The following NEBL variants were observed in gnomAD, a reference collection of about 807,000 sequenced individuals.
NEBL encodes the protein nebulette, also known as LIM and SH3 protein 2.
NEBL carries 122 observed loss-of-function variants against 140.2 expected under a neutral mutation model. That is an observed-to-expected ratio of 0.87 (90% CI 0.75 to 1.01). The LOEUF (loss-of-function observed/expected upper bound fraction) is 1.01, where lower values mean the gene tolerates loss of function less well. Among genes scored for constraint, NEBL ranks in the 50% least tolerant of loss-of-function variants. NEBL has a pLI of 0.00. For synonymous variants in NEBL, 436 were observed against 398.9 expected (o/e 1.09, Z -1.11); for missense variants, 1,365 against 1,231.3 (o/e 1.11, Z -1.62).
intron 18 of NEBL, among the ~76,000 whole-genome samples, chr10:20,825,969 TA>T (rs1839810886): frequency 6.6e-6 from 1 of 152,186 alleles, no homozygotes; most frequent in Admixed American, 6.5e-5. Flanking sequence ...GCGTGTCTGA[TA>T]AAAAGCTTAG....
chr10:21,259,112 G>A (rs1003738037), intron 1 of NEBL, among the ~76,000 whole-genome samples: 1 of 150,630 alleles, frequency 6.6e-6, no homozygotes, highest in African/African-American at 2.4e-5. Context: ...TTTTGAGACA[G>A]AGTCTCTCTC....
intron 9 of NEBL, among the ~76,000 whole-genome samples, chr10:20,854,227 AAT>A (rs1448640462): frequency 6.6e-6 from 1 of 152,172 alleles, no homozygotes; most frequent in East Asian, 1.9e-4. Context: ...TAAAAATGGC[AAT>A]AGAGTGGAGG....
At position 20,835,499 on chromosome 10, in the gene NEBL, C is replaced by G. The variant is rs373699154; in HGVS notation, c.1449+14G>C. ...AATATGAGTCTTAAGGCCTGCATCA[C>G]GCACCCTACTAACCTCACTCGCTAT... On this transcript the variant is annotated intron_variant, in intron 14 of 27. Transcript: ENST00000377122. The G allele has an allele frequency of 1.9e-6, 3 of 1,578,316 alleles. No individual in the cohort carries two copies. Among genetic ancestry groups the G allele is most frequent in the South Asian group, 2.2e-5 (2 of 90,450 alleles).
intron 2 of NEBL, among the ~76,000 whole-genome samples, chr10:21,160,403 A>G (rs2132151717): frequency 6.6e-6 from 1 of 152,304 alleles, no homozygotes; most frequent in African/African-American, 2.4e-5. Flanking sequence ...CTGTTTTAAA[A>G]AAAGACCACA....
intron 14 of NEBL, among the ~76,000 whole-genome samples, chr10:20,835,130 G>T (rs530230393): frequency 2.0e-5 from 3 of 152,152 alleles, no homozygotes; most frequent in Non-Finnish European, 4.4e-5. Context: ...CATATATGAA[G>T]TTCTGCTCAG....
chr10:21,252,981 G>A (rs902450107), intron 1 of NEBL, among the ~76,000 whole-genome samples: 4 of 152,088 alleles, frequency 2.6e-5, no homozygotes, highest in African/African-American at 9.7e-5. Context: ...TAAGGCAGAG[G>A]CCAGGCATGG....
chr10:21,113,640 C>T (rs536828139), intron 2 of NEBL, among the ~76,000 whole-genome samples: 49 of 152,144 alleles, frequency 3.2e-4, no homozygotes, highest in African/African-American at 1.1e-3. Flanking sequence ...GGTCCCATTG[C>T]CCAGAATGTG....
At position 21,183,708 on chromosome 10, in the gene NEBL, C is replaced by T. The variant is rs552814979; in HGVS notation, n.349-11231G>A. On this transcript the variant is annotated intron_variant and non_coding_transcript_variant, in intron 3 of 8. Transcript: ENST00000675702. ...TTAAGCTCCTGGGAATGAGGCCCCA[C>T]TTGCAGGCCGGACATAAGGAGGACA... is the stretch of plus-strand genomic sequence containing the variant. 1.1e-4 allele frequency among the ~76,000 whole-genome samples: 17 copies of T among 152,314 alleles called. No homozygotes were observed. The South Asian group carries it at 2.5e-3, about 22-fold the overall frequency.
chr10:21,152,072 T>C (rs1840162275), intron 2 of NEBL, among the ~76,000 whole-genome samples: 1 of 152,154 alleles, frequency 6.6e-6, no homozygotes, highest in Non-Finnish European at 1.5e-5. Flanking sequence ...CCATCATTAC[T>C]GAATAATAAA....
intron 2 of NEBL, among the ~76,000 whole-genome samples, chr10:21,072,529 T>C (rs1011272307): frequency 6.6e-6 from 1 of 152,170 alleles, no homozygotes; most frequent in Non-Finnish European, 1.5e-5. Context: ...AGGCATAGTG[T>C]ATAGAGGTCA....
rs71578938 is a variant in NEBL, at chr10:20,845,374, A to C, written c.1117-6T>G. 1.3e-3 allele frequency: 1,924 copies of C among 1,469,078 alleles called. 14 individuals are homozygous for C. In the African/African-American group the frequency reaches 0.017, roughly 13 times the overall value. The allele number at this position is 1,469,078 out of a possible 1,614,324, so 91.0% of individuals were successfully genotyped here. A position where few individuals can be genotyped will look rare whatever the true frequency, so the allele number is the denominator to read the frequency against. On this transcript the variant is annotated splice_region_variant and splice_polypyrimidine_tract_variant and intron_variant, in intron 11 of 27. Transcript: ENST00000377122. ...AAATCCTCTTTGTAAACTTTCTGTTAAATAAGACCACATAATTTTAAAGTT... is the reference window on the plus strand; with the variant it reads ...AAATCCTCTTTGTAAACTTTCTGTTCAATAAGACCACATAATTTTAAAGTT...
At position 20,808,755 on chromosome 10, in the gene NEBL, C is replaced by T. The variant is rs1211514693; in HGVS notation, c.2612-96G>A. On this transcript the variant is annotated intron_variant, in intron 25 of 27. Transcript: ENST00000377122. ...TAAAAGCTTAACAGAGAAGAAAAAC[C>T]ATCTCTTAGTAAAGAATAACTCAAA... 2.3e-6 allele frequency: 3 copies of T among 1,315,100 alleles called. No individual in the cohort carries two copies. In the African/African-American group the frequency reaches 4.4e-5, roughly 19 times the overall value. The allele number at this position is 1,315,100 out of a possible 1,614,324, so 81.5% of individuals were successfully genotyped here.
chr10:20,815,631 A>G lies in NEBL; in HGVS notation c.2235T>C (p.Ile745=). 1 of 1,606,012 alleles carries G rather than the reference A, an allele frequency of 6.2e-7. No individual in the cohort carries two copies. Among genetic ancestry groups the G allele is most frequent in the South Asian group, 1.1e-5 (1 of 90,906 alleles). Residue 745 remains isoleucine, a synonymous_variant, in exon 22 of 28, where the codon ATT becomes ATC. Transcript: ENST00000377122. ...AATGAAGAAAACCACTTGCCGAGCT[A>G]ATATTTTCTTGATTCTTCTTCACTC... The part of the protein sequence containing the change: ...MERVKKNQEN[I]SSVKYTQDHK...
intron 13 of NEBL, among the ~76,000 whole-genome samples, chr10:20,837,325 G>A (rs1186141617): frequency 6.6e-6 from 1 of 152,298 alleles, no homozygotes; most frequent in East Asian, 1.9e-4. Flanking sequence ...GAAAGTTTTA[G>A]TGGTCTGAAT....
Position 20,782,933 on chromosome 10 carries a change from C to G in NEBL, c.*2814G>C, listed in dbSNP as rs187185988. The G allele has an allele frequency of 6.6e-6, 1 of 152,630 alleles. No individual in the cohort carries two copies. The allele number at this position is 152,630 out of a possible 1,614,324, so 9.5% of individuals were successfully genotyped here. A position where few individuals can be genotyped will look rare whatever the true frequency, so the allele number is the denominator to read the frequency against. ...CAAGAGAGAGAGGATCCCTATACAG[C>G]TTTGTTTTCAGAACCTTTTAAAAGT... On this transcript the variant is annotated 3_prime_UTR_variant, in exon 28 of 28. Transcript: ENST00000377122.
intron 2 of NEBL, among the ~76,000 whole-genome samples, chr10:21,098,764 G>C (rs1182085871): frequency 6.6e-6 from 1 of 152,238 alleles, no homozygotes; most frequent in Non-Finnish European, 1.5e-5. Flanking sequence ...CCTCTGGCCA[G>C]CTTTCCCCCA....
intron 14 of NEBL, among the ~76,000 whole-genome samples, chr10:20,832,036 A>AG (rs1840465673): frequency 3.3e-5 from 5 of 151,580 alleles, no homozygotes; most frequent in African/African-American, 1.2e-4. Flanking sequence ...CAATGTTCCC[A>AG]CTCCTAAACC....
At chr10:20,814,609 T>TACACACACACACACACACACAC (rs1265684219) in intron 22 of NEBL, among the ~76,000 whole-genome samples, 24 of 98,390 alleles carry the variant, frequency 2.4e-4, no homozygotes, top group African/African-American at 1.1e-3. Context: ...AACACACACA[T>TACACACACACACACACACACAC]ACACACATAC....
At chr10:21,033,542 C>T (rs1227268266) in intron 2 of NEBL, among the ~76,000 whole-genome samples, 2 of 151,930 alleles carry the variant, frequency 1.3e-5, no homozygotes, top group African/African-American at 4.8e-5. Flanking sequence ...CCATGTAGAA[C>T]AGAAATCTCT....
Sources: allele counts gnomAD v4.1 joint callset (sites outside exome capture counted in the v4.1 genomes callset), GRCh38; gene constraint gnomAD v4.1.1; transcripts MANE v1.5; gene names NCBI Gene and HGNC (gene_info 2026-07-23, HGNC 2026-07-21).